The following RNF38 variants were observed in gnomAD, a reference collection of about 807,000 sequenced individuals.
RNF38 encodes E3 ubiquitin-protein ligase RNF38.
Under a neutral mutation model 67.2 loss-of-function variants are expected in RNF38, and 15 were observed. The ratio of observed to expected loss-of-function variants is 0.22; its 90% CI spans 0.15 to 0.34. RNF38 has a LOEUF of 0.34. Among genes scored for constraint, RNF38 ranks in the 10% least tolerant of loss-of-function variants. The probability of loss-of-function intolerance (pLI) is 1.00; values close to 1 mark genes in which losing one functional copy is unlikely to be tolerated. For missense variants in RNF38, 524 were observed against 639.9 expected (o/e 0.82, Z 1.95); for synonymous variants, 220 against 218.8 (o/e 1.01, Z -0.05).
rs1835248538 is a variant in RNF38, at chr9:36,369,897, C to T, written c.392G>A (p.Arg131His). 1.4e-5 allele frequency: 22 copies of T among 1,613,260 alleles called. No homozygotes were observed. The highest frequency in any genetic ancestry group is 1.9e-5 in the Non-Finnish European group (22 of 1,180,016). ...PVRRQRGRRD[R>H]LSRHNSISQD... ...ACTAATGGAATTATGTCGAGACAGA[C>T]GATCCCTTCTTCCTCTCTGGCGCCT... is the stretch of plus-strand genomic sequence containing the variant. Residue 131 changes from arginine to histidine, a missense_variant, in exon 4 of 12, where the codon CGT (arginine) becomes CAT (histidine). By Grantham distance (29) the Arg-to-His change is conservative. Coordinates refer to ENST00000259605, the MANE Select transcript of RNF38 (RefSeq NM_022781.5).
At chr9:36,443,835 C>A (rs1358238050) in intron 1 of RNF38, among the ~76,000 whole-genome samples, 1 of 152,074 alleles carries the variant, frequency 6.6e-6, no homozygotes, top group Non-Finnish European at 1.5e-5. Context: ...CGGATAAGAA[C>A]ATGGTGAATA....
At chr9:36,347,545 G>C (rs560783119) in intron 9 of RNF38, among the ~76,000 whole-genome samples, 2 of 152,028 alleles carry the variant, frequency 1.3e-5, no homozygotes, top group African/African-American at 4.8e-5. Flanking sequence ...CGTTACTATT[G>C]CACTTGTTTT....
At chr9:36,375,867 G>A (rs1835748403) in intron 3 of RNF38, 67 bp downstream of exon 3, 1 of 1,420,090 alleles carries the variant, frequency 7.0e-7, no homozygotes, top group East Asian at 2.5e-5. Context: ...AATGTTTTCT[G>A]ATGTTAAATA....
intron 3 of RNF38, among the ~76,000 whole-genome samples, chr9:36,375,265 A>G (rs1835703298): frequency 6.6e-6 from 1 of 152,194 alleles, no homozygotes; most frequent in Admixed American, 6.5e-5. Context: ...ATCATAGCTA[A>G]GGTTCATTGC....
chr9:36,385,617 G>A (rs1836563952), intron 2 of RNF38, among the ~76,000 whole-genome samples: 2 of 152,076 alleles, frequency 1.3e-5, no homozygotes, highest in Admixed American at 6.6e-5. Context: ...GACCTCAGGT[G>A]ATCCACCCGC....
intron 1 of RNF38, among the ~76,000 whole-genome samples, chr9:36,477,411 C>T (rs1587212605): frequency 6.6e-6 from 1 of 152,042 alleles, no homozygotes; most frequent in Non-Finnish European, 1.5e-5. Flanking sequence ...CATGGTCACT[C>T]ATGCCTATAA....
chr9:36,397,175 G>A (rs1011332424), intron 1 of RNF38, among the ~76,000 whole-genome samples: 6 of 149,076 alleles, frequency 4.0e-5, no homozygotes, highest in African/African-American at 7.4e-5. Context: ...ATCCTGACTC[G>A]CACAATCCTG....
intron 1 of RNF38, among the ~76,000 whole-genome samples, chr9:36,443,768 T>C (rs1266657979): frequency 6.6e-6 from 1 of 152,172 alleles, no homozygotes; most frequent in Non-Finnish European, 1.5e-5. Context: ...CTGGTTTCCA[T>C]GACTAATGGG....
At chr9:36,418,488 A>G (rs967011635) in intron 2 of RNF38, among the ~76,000 whole-genome samples, 1 of 141,848 alleles carries the variant, frequency 7.0e-6, no homozygotes, top group African/African-American at 2.6e-5. Context: ...CCCCATCTCT[A>G]CGAAAAAAAA....
chr9:36,469,513 T>C (rs1259488953), intron 1 of RNF38, among the ~76,000 whole-genome samples: 1 of 151,252 alleles, frequency 6.6e-6, no homozygotes, highest in Non-Finnish European at 1.5e-5. Context: ...TACAAAAAAT[T>C]AGCCAGGCGT....
At chr9:36,393,157 A>T (rs1368347422) in intron 1 of RNF38, among the ~76,000 whole-genome samples, 2 of 152,170 alleles carry the variant, frequency 1.3e-5, no homozygotes, top group Non-Finnish European at 2.9e-5. Context: ...AATTGCTAGT[A>T]CAAGTAGCTG....
At chr9:36,482,317 T>C (rs1840289531) in intron 1 of RNF38, among the ~76,000 whole-genome samples, 1 of 148,756 alleles carries the variant, frequency 6.7e-6, no homozygotes, top group South Asian at 2.1e-4. Flanking sequence ...CCTCCCAAAG[T>C]GCTGGGATTA....
intron 2 of RNF38, among the ~76,000 whole-genome samples, chr9:36,389,126 G>A (rs1836873182): frequency 6.6e-6 from 1 of 151,998 alleles, no homozygotes; most frequent in Admixed American, 6.6e-5. Context: ...TTGTTCTAAG[G>A]TTCAAGGAAA....
At chr9:36,387,517 T>C (rs185701478) in intron 2 of RNF38, among the ~76,000 whole-genome samples, 19 of 152,294 alleles carry the variant, frequency 1.2e-4, no homozygotes, top group Admixed American at 3.9e-4. Flanking sequence ...AAGACAGGGG[T>C]TGACAGCAAA....
chr9:36,460,885 C>CAAAAAAAAAAA (rs752827635), intron 1 of RNF38, among the ~76,000 whole-genome samples: 2 of 52,928 alleles, frequency 3.8e-5, no homozygotes, highest in African/African-American at 1.7e-4. Flanking sequence ...GAAACTCTCT[C>CAAAAAAAAAAA]AAAAAAAAAA....
At chr9:36,446,810 G>GGAA (rs71494625) in intron 1 of RNF38, among the ~76,000 whole-genome samples, 3 of 28,214 alleles carry the variant, frequency 1.1e-4, no homozygotes, top group Non-Finnish European at 6.7e-5. Context: ...TCCGCCTCAA[G>GGAA]AAAAAAAAAA....
chr9:36,426,382 G>C (rs1478874172), intron 1 of RNF38, among the ~76,000 whole-genome samples: 1 of 152,048 alleles, frequency 6.6e-6, no homozygotes, highest in Non-Finnish European at 1.5e-5. Context: ...CTGTGTATTT[G>C]CCAATTCTGG....
At chr9:36,465,342 CTTTTTTTCT>C (rs1839835278) in intron 1 of RNF38, among the ~76,000 whole-genome samples, 1 of 151,998 alleles carries the variant, frequency 6.6e-6, no homozygotes. Context: ...TAGCAGCATT[CTTTTTTTCT>C]TTTTTTTCTT....
In RNF38 at chr9:36,445,140, C is replaced by T. The variant is rs78102130; in HGVS notation, n.242-20457G>A. On this transcript the variant is annotated intron_variant and non_coding_transcript_variant, in intron 1 of 3. Transcript: ENST00000488058. ...TGGGACAGTCTGTTGTGACATGATG[C>T]TTCCATTCTAGAATGACAGAGAAGG... is the stretch of plus-strand genomic sequence containing the variant. Among the ~76,000 whole-genome samples the T allele has an allele frequency of 4.9e-4, 74 of 152,254 alleles. 1 individual carries two copies. In the East Asian group the frequency reaches 0.014, roughly 29 times the overall value.
Sources: gnomAD v4.1 joint callset for allele counts (sites outside exome capture counted in the v4.1 genomes callset) on GRCh38, gnomAD v4.1.1 for gene constraint, MANE v1.5 for transcripts, NCBI Gene and HGNC (gene_info 2026-07-23, HGNC 2026-07-21) for gene names.